PTPRN2: variants seen among roughly 807,000 people sequenced by gnomAD.
The protein encoded by PTPRN2 is receptor-type tyrosine-protein phosphatase N2.
In PTPRN2, 74 loss-of-function variants were observed where a neutral mutation model predicts 118.8. The ratio of observed to expected loss-of-function variants is 0.62; its 90% CI spans 0.52 to 0.76. PTPRN2 has a LOEUF of 0.76. Ranked by LOEUF, PTPRN2 falls within the 30% of genes least tolerant of loss-of-function variation. PTPRN2 has a pLI of 0.00. For synonymous variants in PTPRN2, 641 were observed against 608.0 expected (o/e 1.05, Z -0.80); for missense variants, 1,481 against 1,394.4 (o/e 1.06, Z -0.99).
chr7:157,607,506 A>G (rs1802077077), intron 15 of PTPRN2, among the ~76,000 whole-genome samples: 1 of 152,264 alleles, frequency 6.6e-6, no homozygotes, highest in Non-Finnish European at 1.5e-5. Context: ...AGGAGGGAGC[A>G]GGGCAGGGAA....
At chr7:157,900,890 G>T (rs1044627744) in intron 11 of PTPRN2, among the ~76,000 whole-genome samples, 1 of 152,128 alleles carries the variant, frequency 6.6e-6, no homozygotes, top group Non-Finnish European at 1.5e-5. Flanking sequence ...TAAAGGGAAT[G>T]GGGAGAGATA....
chr7:157,779,946 T>C lies in PTPRN2; in HGVS notation c.1789-97009A>G, dbSNP rs1458929974. Among the ~76,000 whole-genome samples the C allele has an allele frequency of 6.6e-6, 1 of 152,224 alleles. No individual in the cohort carries two copies. The highest frequency in any genetic ancestry group is 1.5e-5 in the Non-Finnish European group (1 of 68,044). The stretch of plus-strand genomic sequence containing the variant: ...GAGGAATGGAAAACTCTCAGACTGC[T>C]GTGTCCACACGGGTTAATAAAAATG... On this transcript the variant is annotated intron_variant, in intron 12 of 22. Transcript: ENST00000389418. This position sits in a 1 kb window ranked among gnomAD's most constrained non-coding sequence, Gnocchi z 4.7.
intron 2 of PTPRN2, among the ~76,000 whole-genome samples, chr7:158,331,638 G>T (rs1316558970): frequency 8.2e-5 from 12 of 146,496 alleles, no homozygotes; most frequent in African/African-American, 3.0e-4. Context: ...CACCATAAGA[G>T]GTGACACCTG....
intron 2 of PTPRN2, among the ~76,000 whole-genome samples, chr7:158,358,717 C>G (rs1173513435): frequency 6.6e-6 from 1 of 152,228 alleles, no homozygotes. Context: ...CGGGCACATG[C>G]TCCGATTGCA....
rs1488225997 is a variant in PTPRN2 at position 158,584,927 on chromosome 7, T to C, written c.112+2631A>G. Among the ~76,000 whole-genome samples the C allele has an allele frequency of 3.9e-5, 6 of 152,324 alleles. No individual in the cohort carries two copies. In the South Asian group the frequency reaches 1.2e-3, roughly 32 times the overall value. ...CTCTAGTTCTAACCTACAAGGCTGT[T>C]TGACGTAACAGAGGAGCAAAAACTT... is the stretch of plus-strand genomic sequence containing the variant. On this transcript the variant is annotated intron_variant, in intron 1 of 22. Transcript: ENST00000389418.
rs1799781428 is a variant in PTPRN2 at position 157,729,599 on chromosome 7, G to A, written c.1789-46662C>T. On this transcript the variant is annotated intron_variant, in intron 12 of 22. Coordinates refer to ENST00000389418, the MANE Select transcript of PTPRN2 (RefSeq NM_002847.5). The surrounding 1 kb of genome is among the most constrained non-coding windows in gnomAD (Gnocchi z 4.3). ...GAGCTTGCAAAAGGAGCTCTGCAGT[G>A]CCTGAGACCTGCAAAGGGCCATCCT... Among the ~76,000 whole-genome samples, 1 of 152,218 alleles carries A rather than the reference G, an allele frequency of 6.6e-6. No individual in the cohort carries two copies. Among genetic ancestry groups the A allele is most frequent in the African/African-American group, 2.4e-5 (1 of 41,446 alleles).
chr7:157,852,566 C>T (rs1809351865), intron 12 of PTPRN2, among the ~76,000 whole-genome samples: 1 of 152,128 alleles, frequency 6.6e-6, no homozygotes, highest in African/African-American at 2.4e-5. Context: ...TTTGTTTTCT[C>T]CTGCTTCCTT....
At position 157,605,190 on chromosome 7, in the gene PTPRN2, G is replaced by A. The variant is rs538653487; in HGVS notation, c.2345-1115C>T. Among the ~76,000 whole-genome samples, 155 of 152,366 alleles carry A rather than the reference G, an allele frequency of 1.0e-3. 1 individual carries two copies. Among genetic ancestry groups the A allele is most frequent in the African/African-American group, 3.6e-3 (149 of 41,588 alleles). On this transcript the variant is annotated intron_variant, in intron 15 of 22. Coordinates refer to ENST00000389418, the MANE Select transcript of PTPRN2 (RefSeq NM_002847.5). The stretch of plus-strand genomic sequence containing the variant: ...GTGGCGAGGGGTGTGTGAGGAGCAC[G>A]GGGTCTGGCCACACCAGTCAGGCAC...
intron 8 of PTPRN2, among the ~76,000 whole-genome samples, chr7:158,135,692 T>G (rs1585565847): frequency 1.3e-5 from 2 of 152,144 alleles, no homozygotes; most frequent in East Asian, 3.9e-4. Flanking sequence ...GGAAATGTGT[T>G]TCTCAGCCCC....
intron 2 of PTPRN2, among the ~76,000 whole-genome samples, chr7:158,388,092 G>A (rs560914262): frequency 1.1e-4 from 17 of 152,008 alleles, no homozygotes; most frequent in Admixed American, 7.9e-4. Context: ...AAATACTTTC[G>A]GAGGATTCCC....
intron 3 of PTPRN2, among the ~76,000 whole-genome samples, chr7:158,263,007 CAT>C (rs1307985881): frequency 1.3e-5 from 2 of 149,004 alleles, no homozygotes; most frequent in East Asian, 3.9e-4. Flanking sequence ...TGCACACACA[CAT>C]TCACACACAG....
At chr7:158,449,189 C>T (rs534668367) in intron 2 of PTPRN2, among the ~76,000 whole-genome samples, 3 of 152,316 alleles carry the variant, frequency 2.0e-5, no homozygotes, top group African/African-American at 7.2e-5. Flanking sequence ...CGTTTTCTCC[C>T]AGGTCATGCG....
At position 158,361,954 on chromosome 7, in the gene PTPRN2, G is replaced by A. The variant is rs184292515; in HGVS notation, c.164-45022C>T. Reference sequence around the variant, plus strand: ...GACCCTGCCTATGGAGCTCATCCCCGCTTCTCTCCTCCCTTCGTTTCTTGG... The same window carrying A: ...GACCCTGCCTATGGAGCTCATCCCCACTTCTCTCCTCCCTTCGTTTCTTGG... On this transcript the variant is annotated intron_variant, in intron 2 of 22. Coordinates refer to ENST00000389418, the MANE Select transcript of PTPRN2 (RefSeq NM_002847.5). Among the ~76,000 whole-genome samples, 519 of 152,218 alleles carry A rather than the reference G, an allele frequency of 3.4e-3. 5 individuals carry two copies. Among genetic ancestry groups the A allele is most frequent in the African/African-American group, 0.012 (501 of 41,526 alleles).
chr7:157,787,514 G>A lies in PTPRN2; in HGVS notation c.1789-104577C>T, dbSNP rs1385527849. Among the ~76,000 whole-genome samples, 3 of 152,264 alleles carry A rather than the reference G, an allele frequency of 2.0e-5. No individual in the cohort carries two copies. The highest frequency in any genetic ancestry group is 1.3e-4 in the Admixed American group (2 of 15,300). ...AGGGGGCTTCCCCACAGTCTAGGGG[G>A]CCAGGAGAGCCCCTGGGCCTCACGT... On this transcript the variant is annotated intron_variant, in intron 12 of 22. Transcript: ENST00000389418. This position sits in a 1 kb window ranked among gnomAD's most constrained non-coding sequence, Gnocchi z 5.3.
intron 14 of PTPRN2, among the ~76,000 whole-genome samples, chr7:157,637,198 A>G (rs1227944475): frequency 6.6e-6 from 1 of 152,254 alleles, no homozygotes; most frequent in East Asian, 1.9e-4. Context: ...AAATTCCATT[A>G]GTGTGCAAAA....
At chr7:157,909,938 C>T (rs1797988756) in intron 11 of PTPRN2, among the ~76,000 whole-genome samples, 1 of 152,228 alleles carries the variant, frequency 6.6e-6, no homozygotes, top group South Asian at 2.1e-4. Flanking sequence ...TCCCTAGTGG[C>T]AGCGTTAAAG....
At chr7:158,421,000 C>T (rs757611026) in intron 2 of PTPRN2, among the ~76,000 whole-genome samples, 1 of 152,202 alleles carries the variant, frequency 6.6e-6, no homozygotes, top group Non-Finnish European at 1.5e-5. Flanking sequence ...GGACCCATAA[C>T]ATCTTAGAAA....
rs774816440 is a variant in PTPRN2 at position 158,587,600 on chromosome 7, G to A, written c.70C>T (p.Pro24Ser). The change falls in exon 1 of 23, where the codon CCT (proline) becomes TCT (serine). Residue 24 changes from proline to serine, a missense_variant. This residue lies in a region of PTPRN2 where 1,115 missense variants were observed against 994.2 expected (regional missense o/e 1.12). Coordinates refer to ENST00000389418, the MANE Select transcript of PTPRN2 (RefSeq NM_002847.5). ...LLPPRVLPAA[P>S]SSVPRGRQLP... ...TGCCGGCCGCGGGGGACGGACGAAG[G>A]GGCGGCAGGCAGGACGCGTGGCGGC... is the stretch of plus-strand genomic sequence containing the variant. The A allele has an allele frequency of 8.1e-6, 11 of 1,350,050 alleles. No homozygotes were observed. In the East Asian group the frequency reaches 3.4e-4, roughly 42 times the overall value. The allele number at this position is 1,350,050 out of a possible 1,614,324, so 83.6% of individuals were successfully genotyped here.
At chr7:158,316,729 T>C (rs1268889642) in intron 3 of PTPRN2, 90 bp downstream of exon 3, 4 of 966,926 alleles carry the variant, frequency 4.1e-6, no homozygotes, top group Non-Finnish European at 6.0e-6. Flanking sequence ...ATTCAGTCCG[T>C]CCCAGCTCCT....
Sources: gnomAD v4.1 joint callset for allele counts (sites outside exome capture counted in the v4.1 genomes callset) on GRCh38, gnomAD v4.1.1 for gene constraint, gnomAD v4.1.1 regional missense constraint, Gnocchi (gnomAD v3.1) non-coding constraint, MANE v1.5 for transcripts, NCBI Gene and HGNC (gene_info 2026-07-23, HGNC 2026-07-21) for gene names.